The following MAP2 variants were observed in gnomAD, a reference collection of about 807,000 sequenced individuals.
MAP2 encodes the protein microtubule-associated protein 2.
MAP2 carries 14 observed loss-of-function variants against 137.6 expected under a neutral mutation model. The observed-to-expected ratio is 0.10, with a 90% CI of 0.07 to 0.16. MAP2 has a LOEUF of 0.16. Ranked by LOEUF, MAP2 falls within the 10% of genes least tolerant of loss-of-function variation. The probability of loss-of-function intolerance (pLI) is 1.00; values close to 1 mark genes in which losing one functional copy is unlikely to be tolerated. For missense variants in MAP2, 2,088 were observed against 2,191.5 expected, an observed-to-expected ratio of 0.95 and a Z score of 0.94; for synonymous variants, 786 against 782.3, an observed-to-expected ratio of 1.00 and a Z score of -0.08.
chr2:209,662,832 T>C (rs949008356), intron 5 of MAP2, among the ~76,000 whole-genome samples: 5 of 151,684 alleles, frequency 3.3e-5, no homozygotes, highest in Non-Finnish European at 7.4e-5. Context: ...TATTTTCTCC[T>C]CACAAAAGAG....
intron 2 of MAP2, among the ~76,000 whole-genome samples, chr2:209,550,206 A>T (rs1247271579): frequency 6.6e-6 from 1 of 152,184 alleles, no homozygotes; most frequent in African/African-American, 2.4e-5. Context: ...TCATATTTAA[A>T]AACAACATCC....
chr2:209,588,638 GA>G (rs1559362297), intron 3 of MAP2, among the ~76,000 whole-genome samples: 1 of 152,058 alleles, frequency 6.6e-6, no homozygotes, highest in Non-Finnish European at 1.5e-5. Flanking sequence ...CTTTTTATAT[GA>G]TTTTCTCATG....
At position 209,573,357 on chromosome 2, in the gene MAP2, G is replaced by A. The variant is rs1423572024; in HGVS notation, c.-171-6679G>A. 7.9e-5 allele frequency among the ~76,000 whole-genome samples: 11 copies of A among 138,866 alleles called. No individual in the cohort carries two copies. The East Asian group carries it at 1.3e-3, about 16-fold the overall frequency. The allele number at this position is 138,866 out of a possible 152,430, so 91.1% of individuals were successfully genotyped here. ...TGCCCAGGCTGGAGTGCAGTGGCAC[G>A]ATCTCGGCTCACCACAACCTCCGCC... On this transcript the variant is annotated intron_variant, in intron 2 of 15. Coordinates refer to ENST00000682079, the MANE Select transcript of MAP2 (RefSeq NM_001375505.1).
intron 1 of MAP2, among the ~76,000 whole-genome samples, chr2:209,502,966 A>T: frequency 7.0e-6 from 1 of 141,966 alleles, no homozygotes. Flanking sequence ...ATATTGTTTC[A>T]TGTGTGTTCC....
At chr2:209,467,254 G>A (rs923580782) in intron 1 of MAP2, among the ~76,000 whole-genome samples, 1 of 151,742 alleles carries the variant, frequency 6.6e-6, no homozygotes, top group African/African-American at 2.4e-5. Context: ...TCTTTCCTGG[G>A]GTATTTCTGT....
At chr2:209,487,306 G>T (rs1173305876) in intron 1 of MAP2, among the ~76,000 whole-genome samples, 2 of 152,164 alleles carry the variant, frequency 1.3e-5, no homozygotes. Context: ...AAAGCTTTCA[G>T]GAAATTAGAG....
chr2:209,723,652 A>G, intron 13 of MAP2: 2 of 1,614,094 alleles, frequency 1.2e-6, no homozygotes, highest in African/African-American at 1.3e-5. Flanking sequence ...ATGTGGTTCC[A>G]AGGATAACAT....
At chr2:209,525,876 A>G (rs558246154) in intron 2 of MAP2, among the ~76,000 whole-genome samples, 3 of 152,264 alleles carry the variant, frequency 2.0e-5, no homozygotes, top group South Asian at 2.1e-4. Flanking sequence ...ACTCTTCACT[A>G]TAGTAACTGA....
rs530401295 is a variant in MAP2 at position 209,596,332 on chromosome 2, A to ACAT, written c.-107+16235_-107+16237dup. ...TTATTCTTACGAATAAACTGAAAAC[A>ACAT]CATCAAACAGACAAAGCACACCACG... is the stretch of plus-strand genomic sequence containing the variant. On this transcript the variant is annotated intron_variant, in intron 3 of 15. Coordinates refer to ENST00000682079, the MANE Select transcript of MAP2 (RefSeq NM_001375505.1). Among the ~76,000 whole-genome samples the ACAT allele has an allele frequency of 1.3e-3, 197 of 152,326 alleles. 1 individual carries two copies. The highest frequency in any genetic ancestry group is 4.5e-3 in the African/African-American group (188 of 41,584).
At chr2:209,473,155 G>T (rs1559206670) in intron 1 of MAP2, among the ~76,000 whole-genome samples, 1 of 152,074 alleles carries the variant, frequency 6.6e-6, no homozygotes, top group Admixed American at 6.6e-5. Flanking sequence ...GCTGTATTTT[G>T]GTCTGGTCTG....
chr2:209,539,429 C>T (rs1456250126), intron 2 of MAP2, among the ~76,000 whole-genome samples: 4 of 152,148 alleles, frequency 2.6e-5, no homozygotes, highest in South Asian at 2.1e-4. Flanking sequence ...AGTCATTTAA[C>T]GCAACTAGTA....
intron 4 of MAP2, among the ~76,000 whole-genome samples, chr2:209,632,106 A>G (rs2093122206): frequency 6.6e-6 from 1 of 152,194 alleles, no homozygotes; most frequent in African/African-American, 2.4e-5. Flanking sequence ...TAGACAGTAG[A>G]TTCTGAAGCA....
At chr2:209,724,867 AC>A (rs2073244531) in intron 13 of MAP2, among the ~76,000 whole-genome samples, 1 of 152,220 alleles carries the variant, frequency 6.6e-6, no homozygotes, top group Non-Finnish European at 1.5e-5. Flanking sequence ...CAGAGGATGG[AC>A]CCAGCTATCC....
intron 2 of MAP2, among the ~76,000 whole-genome samples, chr2:209,573,615 T>C (rs1354729890): frequency 6.6e-6 from 1 of 152,186 alleles, no homozygotes; most frequent in Admixed American, 6.5e-5. Context: ...TATTTTTTAC[T>C]GAGTTATTGA....
chr2:209,704,484 G>A, intron 11 of MAP2: 2 of 1,611,756 alleles, frequency 1.2e-6, no homozygotes, highest in African/African-American at 1.3e-5. Context: ...GCTTTACAGG[G>A]TAGCACAAAG....
At chr2:209,664,458 A>G (rs2045277986) in intron 5 of MAP2, among the ~76,000 whole-genome samples, 1 of 152,106 alleles carries the variant, frequency 6.6e-6, no homozygotes, top group African/African-American at 2.4e-5. Flanking sequence ...GCTGAAGCCC[A>G]AGAATTGCTT....
intron 1 of MAP2, among the ~76,000 whole-genome samples, chr2:209,484,888 A>G (rs1357228473): frequency 1.3e-5 from 2 of 152,210 alleles, no homozygotes; most frequent in African/African-American, 2.4e-5. Flanking sequence ...AGCCATAGTG[A>G]AAAAAGAAAT....
chr2:209,552,446 C>A (rs1360976451), intron 2 of MAP2, among the ~76,000 whole-genome samples: 1 of 152,142 alleles, frequency 6.6e-6, no homozygotes, highest in Non-Finnish European at 1.5e-5. Context: ...AACATCAGGG[C>A]TTAGAATGAA....
At chr2:209,575,262 A>T (rs376919565) in intron 2 of MAP2, among the ~76,000 whole-genome samples, 2 of 152,002 alleles carry the variant, frequency 1.3e-5, no homozygotes, top group Non-Finnish European at 2.9e-5. Flanking sequence ...TGGCTCATGC[A>T]TGTAATCCCA....
Sources: gnomAD v4.1 joint callset for allele counts (sites outside exome capture counted in the v4.1 genomes callset) on GRCh38, gnomAD v4.1.1 for gene constraint, MANE v1.5 for transcripts, NCBI Gene and HGNC (gene_info 2026-07-23, HGNC 2026-07-21) for gene names.